The following OLR1 variants were observed in gnomAD, a reference collection of about 807,000 sequenced individuals.
OLR1 encodes oxidized low-density lipoprotein receptor 1.
Under a neutral mutation model 31.7 loss-of-function variants are expected in OLR1, and 23 were observed. The observed-to-expected ratio is 0.72, with a 90% CI of 0.52 to 1.03. The LOEUF is 1.03. OLR1 is among the 50% of genes least tolerant of loss of function. The pLI, the probability that OLR1 is intolerant of heterozygous loss-of-function variation, is 0.00. For synonymous variants in OLR1, 117 were observed against 115.8 expected (o/e 1.01, Z -0.07); for missense variants, 286 against 315.7 (o/e 0.91, Z 0.71).
rs76039690 is a variant in OLR1 at position 10,159,317 on chromosome 12, C to G, written c.*563G>C. 2.4e-4 allele frequency: 30 copies of G among 126,486 alleles called. No individual in the cohort carries two copies. Among genetic ancestry groups the G allele is most frequent in the East Asian group, 6.8e-4 (3 of 4,422 alleles). 7.8% of individuals were successfully genotyped at this position (126,486 alleles called of 1,614,324 possible). A position where few individuals can be genotyped will look rare whatever the true frequency, so the allele number is the denominator to read the frequency against. ...TGTGTGTGTGTGTGTGTGTGTCTGT[C>G]TGTCTGTCTGTCCGTAAGTGGTAGA... On this transcript the variant is annotated 3_prime_UTR_variant, in exon 6 of 6. Coordinates refer to ENST00000309539, the MANE Select transcript of OLR1 (RefSeq NM_002543.4).
intron 5 of OLR1, 79 bp downstream of exon 5, chr12:10,160,268 C>G (rs756489522): frequency 2.3e-4 from 266 of 1,142,594 alleles, no homozygotes; most frequent in Non-Finnish European, 3.2e-4. Context: ...TGGTGGGATG[C>G]AGGCAGTGAC....
chr12:10,171,984 T>C lies in OLR1; in HGVS notation c.76+18A>G, dbSNP rs765417458. ...CACTGGGATTCTTTCCCTGTACACA[T>C]TTTCCCATCCCTAGTACCTTTAGCT... On this transcript the variant is annotated intron_variant, in intron 1 of 5. Coordinates refer to ENST00000309539, the MANE Select transcript of OLR1 (RefSeq NM_002543.4). 11 of 1,590,568 alleles carry C rather than the reference T, an allele frequency of 6.9e-6. No individual in the cohort carries two copies. The East Asian group carries it at 2.5e-4, about 36-fold the overall frequency.
chr12:10,166,812 G>T lies in OLR1; in HGVS notation c.324C>A (p.Thr108=). 1 of 1,613,746 alleles carries T rather than the reference G, an allele frequency of 6.2e-7. No individual in the cohort carries two copies. Among genetic ancestry groups the T allele is most frequent in the Non-Finnish European group, 8.5e-7 (1 of 1,179,982 alleles). ...ATTTCTCATTCAGCTTCCGAGCAAG[G>T]GTTTCTATCATTTCCTTGAGTTCGT... The part of the protein sequence containing the change: ...SENELKEMIE[T]LARKLNEKSK... Residue 108 remains threonine (T), a synonymous_variant, in exon 3 of 6, where the codon ACC becomes ACA. Transcript: ENST00000309539.
intron 3 of OLR1, among the ~76,000 whole-genome samples, chr12:10,161,959 A>G (rs1473783791): frequency 6.7e-6 from 1 of 149,810 alleles, no homozygotes; most frequent in Non-Finnish European, 1.5e-5. Context: ...AACACATACT[A>G]TATTTCTTTT....
chr12:10,171,964 G>T, intron 1 of OLR1, 38 bp downstream of exon 1: 1 of 1,486,398 alleles, frequency 6.7e-7, no homozygotes, highest in Non-Finnish European at 9.4e-7. Context: ...GCTAACACTG[G>T]GATTCTTTCC....
rs753730506 is a variant in OLR1 at position 10,166,662 on chromosome 12, T to C, written c.424+50A>G. The C allele has an allele frequency of 3.1e-6, 5 of 1,606,288 alleles. No homozygotes were observed. The South Asian group carries it at 5.5e-5, about 18-fold the overall frequency. ...AATTGTTTCCAAAAAATAGTTATGA[T>C]TGGACAGAAAGCTTCCACTATGTCT... On this transcript the variant is annotated intron_variant, in intron 3 of 5. Coordinates refer to ENST00000309539, the MANE Select transcript of OLR1 (RefSeq NM_002543.4).
chr12:10,161,152 T>G (rs1948617044), intron 3 of OLR1, among the ~76,000 whole-genome samples: 1 of 152,140 alleles, frequency 6.6e-6, no homozygotes, highest in Non-Finnish European at 1.5e-5. Context: ...CACTACTTCT[T>G]AAGTAAAATT....
At chr12:10,176,250 C>T (rs17740817), upstream of OLR1, among the ~76,000 whole-genome samples, 6,112 of 151,858 alleles carry the variant, frequency 0.04, 147 homozygotes, top group African/African-American at 0.054. Flanking sequence ...TGCCCCAAGG[C>T]ATAATCTCAT....
In OLR1 at chr12:10,158,519, T is replaced by C. The variant is rs1370252355; in HGVS notation, c.*1361A>G. The C allele has an allele frequency of 6.6e-6, 1 of 151,942 alleles. No homozygotes were observed. 9.4% of individuals were successfully genotyped at this position (151,942 alleles called of 1,614,324 possible). A position where few individuals can be genotyped will look rare whatever the true frequency, so the allele number is the denominator to read the frequency against. ...AGAAGCCAGACAAAAAAAAAAGACA[T>C]ACTATATGATTCCATTCACATAAAA... is the stretch of plus-strand genomic sequence containing the variant. On this transcript the variant is annotated 3_prime_UTR_variant, in exon 6 of 6. Transcript: ENST00000309539.
intron 3 of OLR1, among the ~76,000 whole-genome samples, chr12:10,161,945 A>ATATATATATATATAT (rs1555087097): frequency 1.3e-5 from 1 of 79,552 alleles, no homozygotes; most frequent in Non-Finnish European, 3.3e-5. Flanking sequence ...ATATATATAT[A>ATATATATATATATAT]AAAAACACAT....
At position 10,159,479 on chromosome 12, in the gene OLR1, C is replaced by CT. The variant is rs1948602038; in HGVS notation, c.*400dup. The CT allele has an allele frequency of 6.4e-6, 1 of 156,408 alleles. No individual in the cohort carries two copies. The highest frequency in any genetic ancestry group is 1.4e-5 in the Non-Finnish European group (1 of 70,464). The allele number at this position is 156,408 out of a possible 1,614,324, so 9.7% of individuals were successfully genotyped here. ...GCACTTTTTCCCAGACATATTTCCC[C>CT]TTTTTGCTCTCTGCCTGCACTTGAG... On this transcript the variant is annotated 3_prime_UTR_variant, in exon 6 of 6. Transcript: ENST00000309539.
At chr12:10,172,170 T>A (rs550797199), upstream of OLR1, 52 of 789,694 alleles carry the variant, frequency 6.6e-5, no homozygotes, top group South Asian at 6.2e-4. Flanking sequence ...TTTAAATAGC[T>A]ACTGTTATCT....
At chr12:10,168,476 TC>T (rs1948680513) in intron 2 of OLR1, among the ~76,000 whole-genome samples, 1 of 152,160 alleles carries the variant, frequency 6.6e-6, no homozygotes, top group Non-Finnish European at 1.5e-5. Context: ...ATAGGCTCTA[TC>T]CATGAGGTTG....
Position 10,160,469 on chromosome 12 carries a change from G to T in OLR1, c.565-7C>A, listed in dbSNP as rs757799946. On this transcript the variant is annotated splice_region_variant and splice_polypyrimidine_tract_variant and intron_variant, in intron 4 of 5. Coordinates refer to ENST00000309539, the MANE Select transcript of OLR1 (RefSeq NM_002543.4). ...TTGCTTGCTGGATGAAGTCCTGTGG[G>T]GAGTAATGTTTCTGAGTTTGTGGAA... 4 of 1,599,218 alleles carry T rather than the reference G, an allele frequency of 2.5e-6. No individual in the cohort carries two copies. The South Asian group carries it at 4.4e-5, about 18-fold the overall frequency.
chr12:10,174,066 T>TTGTC (rs1948748166), upstream of OLR1, among the ~76,000 whole-genome samples: 1 of 151,352 alleles, frequency 6.6e-6, no homozygotes, highest in Non-Finnish European at 1.5e-5. Flanking sequence ...GTTTGTTTGT[T>TTGTC]TGTTTGTTTT....
intron 1 of OLR1, among the ~76,000 whole-genome samples, chr12:10,169,994 A>G (rs1358845244): frequency 6.6e-6 from 1 of 152,094 alleles, no homozygotes; most frequent in Non-Finnish European, 1.5e-5. Context: ...TGGTTTCCTC[A>G]CCTTGTGAGA....
rs1235123603 is a variant in OLR1 at position 10,159,687 on chromosome 12, C to T, written c.*193G>A. 2.7e-5 allele frequency: 13 copies of T among 489,826 alleles called. No individual in the cohort carries two copies. The East Asian group carries it at 3.9e-4, about 15-fold the overall frequency. The allele number at this position is 489,826 out of a possible 1,614,324, so 30.3% of individuals were successfully genotyped here. A position where few individuals can be genotyped will look rare whatever the true frequency, so the allele number is the denominator to read the frequency against. On this transcript the variant is annotated 3_prime_UTR_variant, in exon 6 of 6. Coordinates refer to ENST00000309539, the MANE Select transcript of OLR1 (RefSeq NM_002543.4). ...TTGGGACAAGCTAGGTGAAATAATA[C>T]AGGTAGCTAGAATCAAAAATGTTGA...
chr12:10,170,129 G>A (rs535027461), intron 1 of OLR1, among the ~76,000 whole-genome samples: 8 of 152,344 alleles, frequency 5.3e-5, no homozygotes, highest in African/African-American at 1.9e-4. Flanking sequence ...CTAATTGTCA[G>A]TAGCTACATG....
chr12:10,167,799 T>C (rs1251547657), intron 2 of OLR1: 1 of 152,060 alleles, frequency 6.6e-6, no homozygotes, highest in Non-Finnish European at 1.5e-5. Context: ...CACGGTACAT[T>C]TTAGGAAGGG....
Sources: allele counts gnomAD v4.1 joint callset (sites outside exome capture counted in the v4.1 genomes callset), GRCh38; gene constraint gnomAD v4.1.1; transcripts MANE v1.5; gene names NCBI Gene and HGNC (gene_info 2026-07-23, HGNC 2026-07-21).